Variants in SOX5 observed in about 807,000 individuals in gnomAD.
SOX5 encodes the protein SRY-box transcription factor 5.
In SOX5, 9 loss-of-function variants were observed where a neutral mutation model predicts 92.0. That is an observed-to-expected ratio of 0.10 (90% CI 0.06 to 0.17). The LOEUF (loss-of-function observed/expected upper bound fraction) is 0.17. SOX5 is among the 10% of genes least tolerant of loss of function. The pLI is 1.00. For synonymous variants in SOX5, 344 were observed against 336.3 expected (o/e 1.02, Z -0.25); for missense variants, 642 against 944.5 (o/e 0.68, Z 4.20).
intron 1 of SOX5, among the ~76,000 whole-genome samples, chr12:24,472,986 T>G (rs146336222): frequency 6.6e-6 from 1 of 152,202 alleles, no homozygotes; most frequent in African/African-American, 2.4e-5. Flanking sequence ...TTAAAAATCA[T>G]TTATCTGATT....
chr12:24,252,366 C>T (rs990927900), intron 3 of SOX5, among the ~76,000 whole-genome samples: 7 of 152,238 alleles, frequency 4.6e-5, no homozygotes, highest in East Asian at 1.9e-4. Flanking sequence ...CACCTGCCTT[C>T]GTTTTTACAT....
chr12:24,094,125 T>A (rs1945024760), intron 4 of SOX5, among the ~76,000 whole-genome samples: 1 of 152,098 alleles, frequency 6.6e-6, no homozygotes, highest in East Asian at 1.9e-4. Context: ...TTTTGTATAT[T>A]TAGTAGAGAG....
chr12:23,631,056 G>A (rs572067803), intron 8 of SOX5, among the ~76,000 whole-genome samples: 17 of 152,064 alleles, frequency 1.1e-4, no homozygotes, highest in African/African-American at 3.6e-4. Flanking sequence ...CAATTTGTAT[G>A]TCCCAGTAGC....
rs1298034429 is a variant in SOX5 at position 23,832,442 on chromosome 12, A to G, written c.481+13541T>C. On this transcript the variant is annotated intron_variant, in intron 3 of 14. Coordinates refer to ENST00000451604, the MANE Select transcript of SOX5 (RefSeq NM_006940.6). ...TGAATCCGGTGTTTCGGTATATAAA[A>G]GTATTCTGGGAAAGGAGCAGATTTT... Among the ~76,000 whole-genome samples, 6 of 152,184 alleles carry G rather than the reference A, an allele frequency of 3.9e-5. No homozygotes were observed. In the East Asian group the frequency reaches 7.7e-4, roughly 20 times the overall value.
intron 4 of SOX5, among the ~76,000 whole-genome samples, chr12:23,960,985 T>C (rs1294021267): frequency 6.6e-6 from 1 of 152,162 alleles, no homozygotes; most frequent in African/African-American, 2.4e-5. Flanking sequence ...GCTAATCTAC[T>C]ATGTTTTTTA....
chr12:23,979,707 GTTTTTTT>G (rs1177945407), intron 4 of SOX5, among the ~76,000 whole-genome samples: 7 of 77,472 alleles, frequency 9.0e-5, no homozygotes, highest in African/African-American at 2.2e-4. Context: ...TGTTTTTTTT[GTTTTTTT>G]TTTTTTTTTT....
intron 1 of SOX5, among the ~76,000 whole-genome samples, chr12:24,445,150 G>A (rs1941275268): frequency 6.6e-6 from 1 of 152,112 alleles, no homozygotes; most frequent in African/African-American, 2.4e-5. Context: ...AAAACAATAA[G>A]TCATTTCAAG....
At position 24,121,473 on chromosome 12, in the gene SOX5, G is replaced by T. The variant is rs146558640; in HGVS notation, c.-2+91870C>A. ...CAGGAACAAATATCAAATTTATGAC[G>T]AAGCATGGGTGGAACAATGGTGAAA... On this transcript the variant is annotated intron_variant, in intron 4 of 4. Transcript: ENST00000446891. Among the ~76,000 whole-genome samples the T allele has an allele frequency of 9.8e-3, 1,490 of 151,634 alleles. 13 individuals are homozygous for T. Among genetic ancestry groups the T allele is most frequent in the Non-Finnish European group, 0.016 (1,120 of 67,978 alleles).
chr12:24,364,107 A>G (rs1955893113), intron 2 of SOX5, among the ~76,000 whole-genome samples: 1 of 152,170 alleles, frequency 6.6e-6, no homozygotes, highest in Admixed American at 6.5e-5. Context: ...AGCTTTCAAG[A>G]GTCCTAAAGT....
intron 4 of SOX5, among the ~76,000 whole-genome samples, chr12:24,170,783 A>T (rs1295462915): frequency 6.6e-6 from 1 of 152,240 alleles, no homozygotes; most frequent in Non-Finnish European, 1.5e-5. Flanking sequence ...AGTCAAAGTG[A>T]AGCACTGGAT....
intron 1 of SOX5, among the ~76,000 whole-genome samples, chr12:23,903,397 A>G (rs1035686503): frequency 2.6e-5 from 4 of 152,104 alleles, no homozygotes; most frequent in Admixed American, 6.5e-5. Flanking sequence ...CCAGCCTGCA[A>G]AACTGGGAGA....
At chr12:23,737,640 C>A (rs764760424) in intron 5 of SOX5, among the ~76,000 whole-genome samples, 109 of 152,156 alleles carry the variant, frequency 7.2e-4, no homozygotes, top group Non-Finnish European at 1.4e-3. Flanking sequence ...GCCTGCAAGG[C>A]CCTATATGAT....
chr12:23,736,892 C>A (rs2093619853), intron 5 of SOX5, among the ~76,000 whole-genome samples: 1 of 151,822 alleles, frequency 6.6e-6, no homozygotes, highest in Admixed American at 6.6e-5. Flanking sequence ...ACGGTTTCAC[C>A]ATGTTGGCTA....
chr12:24,511,639 A>G (rs2138318669), intron 1 of SOX5, among the ~76,000 whole-genome samples: 1 of 152,318 alleles, frequency 6.6e-6, no homozygotes, highest in Admixed American at 6.5e-5. Flanking sequence ...AAATCATGGC[A>G]ATCAATAACG....
chr12:24,307,520 CGG>C (rs1565874317), intron 2 of SOX5, among the ~76,000 whole-genome samples: 5 of 7,722 alleles, frequency 6.5e-4, no homozygotes, highest in East Asian at 0.013. Context: ...GAAGGAAGGC[CGG>C]CCCCCCCACC....
upstream of SOX5, chr12:23,950,757 T>C: frequency 4.2e-6 from 4 of 945,942 alleles, no homozygotes; most frequent in Non-Finnish European, 6.5e-6. Flanking sequence ...ACAGCCTCCA[T>C]AGCAGTTCCA....
intron 3 of SOX5, among the ~76,000 whole-genome samples, chr12:23,842,939 C>A (rs1275943447): frequency 6.6e-6 from 1 of 152,078 alleles, no homozygotes; most frequent in Admixed American, 6.6e-5. Context: ...GCAAGTTTAT[C>A]GTGGAGAAAC....
intron 2 of SOX5, among the ~76,000 whole-genome samples, chr12:24,363,200 T>G (rs1187921360): frequency 6.6e-6 from 1 of 152,122 alleles, no homozygotes; most frequent in Non-Finnish European, 1.5e-5. Flanking sequence ...TTGCGCTGCT[T>G]TTTCCCCTTT....
chr12:23,582,579 T>C (rs1950197367), intron 9 of SOX5, among the ~76,000 whole-genome samples: 1 of 152,138 alleles, frequency 6.6e-6, no homozygotes, highest in Non-Finnish European at 1.5e-5. Flanking sequence ...TGCTTACTTT[T>C]AGACTTACAA....
Sources: gnomAD v4.1 joint callset for allele counts (sites outside exome capture counted in the v4.1 genomes callset) on GRCh38, gnomAD v4.1.1 for gene constraint, MANE v1.5 for transcripts, NCBI Gene and HGNC (gene_info 2026-07-23, HGNC 2026-07-21) for gene names.